The following RNF43 variants were observed in gnomAD, a reference collection of about 807,000 sequenced individuals.
RNF43 encodes E3 ubiquitin-protein ligase RNF43.
A neutral mutation model predicts 78.4 loss-of-function variants in RNF43; 37 were observed. That is an observed-to-expected ratio of 0.47 (90% CI 0.36 to 0.62). The LOEUF (loss-of-function observed/expected upper bound fraction) is 0.62, where lower values mean the gene tolerates loss of function less well. Ranked by LOEUF, RNF43 falls within the 20% of genes least tolerant of loss-of-function variation. The pLI is 0.00. For missense variants in RNF43, 774 were observed against 1,007.9 expected, an observed-to-expected ratio of 0.77 and a Z score of 3.14; for synonymous variants, 347 against 395.0, an observed-to-expected ratio of 0.88 and a Z score of 1.44.
In RNF43 at chr17:58,360,675, A is replaced by C. The variant is rs2143442831; in HGVS notation, c.849+108T>G. On this transcript the variant is annotated intron_variant, in intron 7 of 9. Coordinates refer to ENST00000407977, the MANE Select transcript of RNF43 (RefSeq NM_017763.6). The surrounding 1 kb of genome is among the most constrained non-coding windows in gnomAD (Gnocchi z 4.3). ...TCTGCCTCATGCAGGACACATGGGA[A>C]ACAGATGTAGCCAGGGTACCCATAC... The C allele has an allele frequency of 8.1e-7, 1 of 1,227,088 alleles. No individual in the cohort carries two copies. 76.0% of individuals were successfully genotyped at this position (1,227,088 alleles called of 1,614,324 possible).
chr17:58,360,665 A>G lies in RNF43; in HGVS notation c.849+118T>C. 1 of 1,105,254 alleles carries G rather than the reference A, an allele frequency of 9.0e-7. No homozygotes were observed. The highest frequency in any genetic ancestry group is 1.3e-6 in the Non-Finnish European group (1 of 783,882). 68.5% of individuals were successfully genotyped at this position (1,105,254 alleles called of 1,614,324 possible). A position where few individuals can be genotyped will look rare whatever the true frequency, so the allele number is the denominator to read the frequency against. On this transcript the variant is annotated intron_variant, in intron 7 of 9. Transcript: ENST00000407977. This position sits in a 1 kb window ranked among gnomAD's most constrained non-coding sequence, Gnocchi z 4.3. ...GTCCCTGATCTCTGCCTCATGCAGG[A>G]CACATGGGAAACAGATGTAGCCAGG... is the stretch of plus-strand genomic sequence containing the variant.
At chr17:58,366,692 A>G (rs1264459735) in intron 3 of RNF43, among the ~76,000 whole-genome samples, 1 of 152,176 alleles carries the variant, frequency 6.6e-6, no homozygotes, top group Non-Finnish European at 1.5e-5. Context: ...TTTTCTGTAA[A>G]CTGGGATAAT....
Position 58,354,159 on chromosome 17 carries a change from C to T in RNF43, c.*784G>A. ...CTCAGCTGTAATTCTGCCTTTTCTACCTTCATTCCATCCTTCCTCTGCCCA... is the reference window on the plus strand; with the variant it reads ...CTCAGCTGTAATTCTGCCTTTTCTATCTTCATTCCATCCTTCCTCTGCCCA... On this transcript the variant is annotated 3_prime_UTR_variant, in exon 10 of 10. Transcript: ENST00000407977. 1 of 202,744 alleles carries T rather than the reference C, an allele frequency of 4.9e-6. No homozygotes were observed. The highest frequency in any genetic ancestry group is 7.6e-5 in the East Asian group (1 of 13,084). The allele number at this position is 202,744 out of a possible 1,614,324, so 12.6% of individuals were successfully genotyped here.
intron 2 of RNF43, among the ~76,000 whole-genome samples, chr17:58,377,802 T>G (rs1360574515): frequency 3.3e-5 from 5 of 151,976 alleles, no homozygotes; most frequent in Non-Finnish European, 7.4e-5. Flanking sequence ...AATTTTGCCT[T>G]TGTAATCAAG....
At chr17:58,375,936 T>C (rs912599054) in intron 2 of RNF43, among the ~76,000 whole-genome samples, 8 of 152,214 alleles carry the variant, frequency 5.3e-5, no homozygotes, top group Non-Finnish European at 1.0e-4. Flanking sequence ...GCAGAAAAAC[T>C]GAACTCACTG....
In RNF43 at chr17:58,363,367, T is replaced by C. The variant is rs2143469133; in HGVS notation, c.490A>G (p.Ile164Val). The C allele has an allele frequency of 6.2e-7, 1 of 1,614,114 alleles. No individual in the cohort carries two copies. The change falls in exon 5 of 10, where the codon ATC becomes GTC. Residue 164 changes from isoleucine to valine, a missense_variant. Coordinates refer to ENST00000407977, the MANE Select transcript of RNF43 (RefSeq NM_017763.6). ...PLGLTWPVVL[I>V]WGNDAEKLME... ...AGCTTCTCAGCGTCATTACCCCAGA[T>C]CAACACCACTGGCCAGGTCAGCCCC...
chr17:58,356,283 T>C (rs1374463676), intron 9 of RNF43, among the ~76,000 whole-genome samples: 1 of 152,166 alleles, frequency 6.6e-6, no homozygotes, highest in Non-Finnish European at 1.5e-5. Context: ...TGAGGGCAGC[T>C]CCTAGGTCCT....
intron 2 of RNF43, among the ~76,000 whole-genome samples, chr17:58,388,640 C>A (rs1156967269): frequency 6.6e-6 from 1 of 152,094 alleles, no homozygotes; most frequent in Non-Finnish European, 1.5e-5. Context: ...AATGGTGGTA[C>A]AAAACGACAT....
At position 58,358,175 on chromosome 17, in the gene RNF43, T is replaced by A. The variant is rs752167360; in HGVS notation, c.1601A>T (p.Asp534Val). The change falls in exon 9 of 10, where the codon GAC (aspartate) becomes GTC (valine). Residue 534 changes from aspartate to valine, a missense_variant. By Grantham distance (152) the Asp-to-Val change is radical. Transcript: ENST00000407977. This position sits in a 1 kb window ranked among gnomAD's most constrained non-coding sequence, Gnocchi z 6.2. ...GGTTTCCCCTGTGGGCACCACCGAG[T>A]CCAAGGAACGAGGCCGAGAGGTCAC... ...PSVTSRPRSL[D>V]SVVPTGETQV... 1 of 1,611,224 alleles carries A rather than the reference T, an allele frequency of 6.2e-7. No individual in the cohort carries two copies. Among genetic ancestry groups the A allele is most frequent in the South Asian group, 1.1e-5 (1 of 90,908 alleles).
At chr17:58,406,214 A>G (rs1973909421) in intron 2 of RNF43, among the ~76,000 whole-genome samples, 3 of 152,164 alleles carry the variant, frequency 2.0e-5, no homozygotes, top group Admixed American at 2.0e-4. Flanking sequence ...GCGGCAGTCT[A>G]TATCTTCTTA....
intron 3 of RNF43, among the ~76,000 whole-genome samples, chr17:58,370,063 T>TTTTG (rs1973050155): frequency 1.0e-5 from 1 of 97,100 alleles, no homozygotes. Flanking sequence ...AATCTGAGTT[T>TTTTG]TTTTTTTTTT....
chr17:58,393,682 T>C (rs987009556), intron 2 of RNF43, among the ~76,000 whole-genome samples: 1 of 152,224 alleles, frequency 6.6e-6, no homozygotes, highest in Admixed American at 6.5e-5. Flanking sequence ...ATTAATTTAA[T>C]GTTTGCGCTT....
intron 2 of RNF43, among the ~76,000 whole-genome samples, chr17:58,381,768 G>T (rs911810297): frequency 6.6e-6 from 1 of 152,196 alleles, no homozygotes; most frequent in African/African-American, 2.4e-5. Flanking sequence ...GCATTAAAGA[G>T]AATGAAAGCA....
Position 58,357,320 on chromosome 17 carries a change from C to T in RNF43, c.2308+148G>A. 2.0e-6 allele frequency: 2 copies of T among 1,000,206 alleles called. No individual in the cohort carries two copies. Among genetic ancestry groups the T allele is most frequent in the Non-Finnish European group, 1.5e-6 (1 of 646,236 alleles). 62.0% of individuals were successfully genotyped at this position (1,000,206 alleles called of 1,614,324 possible). A position where few individuals can be genotyped will look rare whatever the true frequency, so the allele number is the denominator to read the frequency against. On this transcript the variant is annotated intron_variant, in intron 9 of 9. Coordinates refer to ENST00000407977, the MANE Select transcript of RNF43 (RefSeq NM_017763.6). The surrounding 1 kb of genome is among the most constrained non-coding windows in gnomAD (Gnocchi z 4.5). ...CCTGCACTCTAGCCAGCATGATACGCTGTCCCGATGGTTAAGTATTTTGGT... is the reference window on the plus strand; with the variant it reads ...CCTGCACTCTAGCCAGCATGATACGTTGTCCCGATGGTTAAGTATTTTGGT...
At chr17:58,414,368 GATGGATCACACTT>G in intron 2 of RNF43, among the ~76,000 whole-genome samples, 2 of 152,338 alleles carry the variant, frequency 1.3e-5, no homozygotes, top group South Asian at 4.1e-4. Context: ...TGGATGCTAA[GATGGATCACACTT>G]AAGAATATTT....
At chr17:58,370,589 A>C (rs1027378638) in intron 3 of RNF43, among the ~76,000 whole-genome samples, 2 of 152,126 alleles carry the variant, frequency 1.3e-5, no homozygotes, top group African/African-American at 4.8e-5. Context: ...ATGTTTCTAA[A>C]AGATGGAAAT....
chr17:58,355,665 G>C (rs1228699252), intron 9 of RNF43, among the ~76,000 whole-genome samples: 1 of 152,216 alleles, frequency 6.6e-6, no homozygotes, highest in Non-Finnish European at 1.5e-5. Context: ...GCCAAAGCAG[G>C]TTGGATTTTT....
intron 2 of RNF43, among the ~76,000 whole-genome samples, chr17:58,413,910 C>G (rs1418412752): frequency 6.6e-6 from 1 of 152,124 alleles, no homozygotes; most frequent in African/African-American, 2.4e-5. Flanking sequence ...TACTTACGGT[C>G]CTAAAATGGA....
intron 2 of RNF43, among the ~76,000 whole-genome samples, chr17:58,397,941 A>G (rs1258050268): frequency 2.0e-5 from 3 of 152,194 alleles, no homozygotes; most frequent in African/African-American, 7.2e-5. Context: ...CTGTAAACCA[A>G]TGAGAATTTC....
Sources: gnomAD v4.1 joint callset for allele counts (sites outside exome capture counted in the v4.1 genomes callset) on GRCh38, gnomAD v4.1.1 for gene constraint, Gnocchi (gnomAD v3.1) non-coding constraint, MANE v1.5 for transcripts, NCBI Gene and HGNC (gene_info 2026-07-23, HGNC 2026-07-21) for gene names.